Variants in MIR2052HG observed in about 807,000 individuals in gnomAD.
MIR2052HG encodes the protein MIR2052 host gene.
intron 2 of MIR2052HG, among the ~76,000 whole-genome samples, chr8:74,615,613 T>G (rs1808268959): frequency 7.1e-6 from 1 of 140,866 alleles, no homozygotes; most frequent in Admixed American, 7.1e-5. Context: ...TCTCATCTTC[T>G]TTTTTTTTTT....
At chr8:74,686,926 A>G (rs1586913966) in intron 2 of MIR2052HG, among the ~76,000 whole-genome samples, 2 of 152,260 alleles carry the variant, frequency 1.3e-5, no homozygotes, top group Middle Eastern at 6.8e-3. Flanking sequence ...AATCCCTTTT[A>G]AAAGACTTTG....
intron 1 of MIR2052HG, among the ~76,000 whole-genome samples, chr8:74,602,880 C>CTTTCTTTCTTTT (rs1808042817): frequency 1.5e-4 from 2 of 13,542 alleles, no homozygotes; most frequent in Non-Finnish European, 1.4e-4. Context: ...TTTCTTTTTT[C>CTTTCTTTCTTTT]TATTCACAAA....
intron 2 of MIR2052HG, among the ~76,000 whole-genome samples, chr8:74,651,217 G>T (rs936989724): frequency 6.6e-6 from 1 of 150,658 alleles, no homozygotes; most frequent in Non-Finnish European, 1.5e-5. Context: ...TTTTAATGAT[G>T]ATTATTTTAA....
In MIR2052HG at chr8:74,662,845, A is replaced by G. The variant is rs535883703; in HGVS notation, n.217-39534A>G. On this transcript the variant is annotated intron_variant and non_coding_transcript_variant, in intron 2 of 6. Transcript: ENST00000523442. ...GGCACTGAAAATACATTTTTCTCCT[A>G]GAAATGACTCATTTGTGTGTGTGTG... 6.9e-5 allele frequency among the ~76,000 whole-genome samples: 10 copies of G among 144,324 alleles called. No homozygotes were observed. In the South Asian group the frequency reaches 1.3e-3, roughly 19 times the overall value. 94.7% of individuals were successfully genotyped at this position (144,324 alleles called of 152,430 possible). A position where few individuals can be genotyped will look rare whatever the true frequency, so the allele number is the denominator to read the frequency against.
rs58119023 is a variant in MIR2052HG at position 74,658,389 on chromosome 8, C to CT, written n.217-43977dup. ...TGCTGATGTTTCTTTCTCTCGCTCT[C>CT]TTTTTTTTTTTTTCTTTTTGAGATG... On this transcript the variant is annotated intron_variant and non_coding_transcript_variant, in intron 2 of 6. Transcript: ENST00000523442. 3.3e-3 allele frequency among the ~76,000 whole-genome samples: 482 copies of CT among 145,012 alleles called. 1 individual carries two copies. The highest frequency in any genetic ancestry group is 4.3e-3 in the Non-Finnish European group (284 of 65,970).
chr8:74,676,698 T>G (rs1240623528), intron 2 of MIR2052HG, among the ~76,000 whole-genome samples: 2 of 151,968 alleles, frequency 1.3e-5, no homozygotes, highest in African/African-American at 4.8e-5. Context: ...AGAATAAAGA[T>G]GAATAAGTAC....
At chr8:74,631,500 A>G (rs1324015466) in intron 2 of MIR2052HG, among the ~76,000 whole-genome samples, 2 of 152,168 alleles carry the variant, frequency 1.3e-5, no homozygotes, top group Non-Finnish European at 2.9e-5. Flanking sequence ...AACATTTAAG[A>G]TTCTTCTACC....
chr8:74,659,439 C>T (rs1808838960), intron 2 of MIR2052HG, among the ~76,000 whole-genome samples: 1 of 152,124 alleles, frequency 6.6e-6, no homozygotes. Flanking sequence ...GTGTTTCCTA[C>T]ATGCTTATTT....
At chr8:74,750,455 T>C (rs1484001943) in intron 4 of MIR2052HG, among the ~76,000 whole-genome samples, 6 of 152,216 alleles carry the variant, frequency 3.9e-5, no homozygotes, top group Non-Finnish European at 5.9e-5. Context: ...CTTACCTGTG[T>C]ATATGATACT....
chr8:74,755,286 TAG>T (rs1809987868), intron 5 of MIR2052HG, among the ~76,000 whole-genome samples: 1 of 152,246 alleles, frequency 6.6e-6, no homozygotes, highest in East Asian at 1.9e-4. Context: ...AGCAGTAGAA[TAG>T]AGTCTTTGAA....
At chr8:74,633,386 C>A (rs185390884) in intron 2 of MIR2052HG, 7 of 152,258 alleles carry the variant, frequency 4.6e-5, no homozygotes, top group Admixed American at 1.3e-4. Flanking sequence ...CATTGTGACA[C>A]CCCTGGTGGT....
chr8:74,748,475 C>A (rs540891024), intron 4 of MIR2052HG, among the ~76,000 whole-genome samples: 2 of 152,320 alleles, frequency 1.3e-5, no homozygotes, highest in African/African-American at 4.8e-5. Context: ...GTCCAAGGAT[C>A]TCTCAGGTTG....
At chr8:74,680,764 G>A (rs558795925) in intron 2 of MIR2052HG, among the ~76,000 whole-genome samples, 8 of 151,946 alleles carry the variant, frequency 5.3e-5, no homozygotes, top group East Asian at 1.9e-4. Context: ...ACATGCACAC[G>A]TATGTTTATT....
chr8:74,717,002 A>C (rs1202478641), intron 4 of MIR2052HG, among the ~76,000 whole-genome samples: 3 of 152,004 alleles, frequency 2.0e-5, no homozygotes, highest in African/African-American at 7.3e-5. Flanking sequence ...AATTTAATTT[A>C]AGTTTTAAAA....
intron 4 of MIR2052HG, among the ~76,000 whole-genome samples, chr8:74,745,392 C>T (rs1809873565): frequency 6.6e-6 from 1 of 152,146 alleles, no homozygotes; most frequent in Non-Finnish European, 1.5e-5. Context: ...AAATATGGCT[C>T]CATTAAACTT....
intron 2 of MIR2052HG, among the ~76,000 whole-genome samples, chr8:74,696,495 T>C (rs911013690): frequency 1.3e-5 from 2 of 151,486 alleles, no homozygotes; most frequent in African/African-American, 4.8e-5. Flanking sequence ...TAAATGAAAT[T>C]GAAACAAAAA....
chr8:74,645,132 G>A (rs1438894860), intron 2 of MIR2052HG, among the ~76,000 whole-genome samples: 1 of 152,042 alleles, frequency 6.6e-6, no homozygotes, highest in East Asian at 1.9e-4. Context: ...AATGTACTAT[G>A]GGGTGGAAAA....
At chr8:74,754,478 C>G (rs186137749) in intron 5 of MIR2052HG, among the ~76,000 whole-genome samples, 1 of 152,196 alleles carries the variant, frequency 6.6e-6, no homozygotes, top group African/African-American at 2.4e-5. Context: ...TAAAATGAGA[C>G]TTGGAGCTAT....
chr8:74,679,292 T>C (rs1247982355), intron 2 of MIR2052HG, among the ~76,000 whole-genome samples: 1 of 152,090 alleles, frequency 6.6e-6, no homozygotes, highest in Non-Finnish European at 1.5e-5. Flanking sequence ...ATCACTCTTA[T>C]GCCTTTGAGT....
Sources: allele counts gnomAD v4.1 joint callset (sites outside exome capture counted in the v4.1 genomes callset), GRCh38; gene constraint gnomAD v4.1.1; transcripts MANE v1.5; gene names NCBI Gene and HGNC (gene_info 2026-07-23, HGNC 2026-07-21).